Variants in FGF14 observed in about 807,000 individuals in gnomAD.
The protein encoded by FGF14 is fibroblast growth factor homologous factor 4.
FGF14 carries 5 observed loss-of-function variants against 25.5 expected under a neutral mutation model. The ratio of observed to expected loss-of-function variants is 0.20; its 90% confidence interval spans 0.10 to 0.41. FGF14 has a LOEUF of 0.41. Ranked by LOEUF, FGF14 falls within the 10% of genes least tolerant of loss-of-function variation. The pLI is 1.00. For missense variants in FGF14, 222 were observed against 320.1 expected (o/e 0.69, Z 2.34); for synonymous variants, 138 against 118.3 (o/e 1.17, Z -1.08).
intron 1 of FGF14, among the ~76,000 whole-genome samples, chr13:102,256,122 T>C (rs941271633): frequency 2.0e-5 from 3 of 151,974 alleles, no homozygotes; most frequent in African/African-American, 7.3e-5. Flanking sequence ...GTGTTTTGAT[T>C]TGGAAATATA....
Position 102,062,285 on chromosome 13 carries a change from T to TTTC in FGF14, c.209-186990_209-186989insGAA, listed in dbSNP as rs529562906. ...GAAAACTCTACTTACTAGCAAATAA[T>TTTC]AAATACCCAAAATAAAATTCCAAAA... is the stretch of plus-strand genomic sequence containing the variant. On this transcript the variant is annotated intron_variant, in intron 1 of 4. Transcript: ENST00000376131. Among the ~76,000 whole-genome samples, 183 of 151,718 alleles carry TTTC rather than the reference T, an allele frequency of 1.2e-3. 2 individuals are homozygous for TTTC. The highest frequency in any genetic ancestry group is 4.1e-3 in the African/African-American group (171 of 41,410).
rs1233615799 is a variant in FGF14 at position 101,720,604 on chromosome 13, T to TAAGTA, written c.*2222_*2226dup. 6.6e-6 allele frequency: 1 copy of TAAGTA among 151,802 alleles called. No individual in the cohort carries two copies. The highest frequency in any genetic ancestry group is 1.5e-5 in the Non-Finnish European group (1 of 67,958). 9.4% of individuals were successfully genotyped at this position (151,802 alleles called of 1,614,324 possible). ...TGTGTGAAGTGAAGTGTTGCTGCTG[T>TAAGTA]AAGTAGTGTCCATAAGCCCATTTGA... On this transcript the variant is annotated 3_prime_UTR_variant, in exon 5 of 5. Transcript: ENST00000376143.
At chr13:101,919,571 C>T (rs934556061), upstream of FGF14, among the ~76,000 whole-genome samples, 3 of 151,826 alleles carry the variant, frequency 2.0e-5, no homozygotes, top group Admixed American at 1.3e-4. Context: ...TTTTGGCCCT[C>T]TCAGAGCCCT....
upstream of FGF14, among the ~76,000 whole-genome samples, chr13:101,917,772 A>G (rs867810903): frequency 3.9e-5 from 6 of 152,270 alleles, no homozygotes; most frequent in Non-Finnish European, 7.3e-5. Context: ...GAGGGAATGG[A>G]AAGAGAGAAG....
intron 1 of FGF14, among the ~76,000 whole-genome samples, chr13:102,336,850 C>A (rs567221818): frequency 7.9e-5 from 12 of 152,256 alleles, no homozygotes; most frequent in African/African-American, 2.9e-4. Flanking sequence ...AACAATAAAG[C>A]CTGAATGACA....
chr13:102,010,476 G>T (rs1033939473), intron 1 of FGF14, among the ~76,000 whole-genome samples: 2 of 152,002 alleles, frequency 1.3e-5, no homozygotes, highest in African/African-American at 4.8e-5. Flanking sequence ...CCTGTTCTAT[G>T]ATGTAACCAC....
intron 1 of FGF14, among the ~76,000 whole-genome samples, chr13:101,938,978 T>C (rs536565793): frequency 3.3e-4 from 50 of 152,336 alleles, no homozygotes; most frequent in African/African-American, 1.2e-3. Flanking sequence ...GGATGAGCAC[T>C]GATGGCCAGG....
At chr13:102,015,343 C>T (rs1015160901) in intron 1 of FGF14, among the ~76,000 whole-genome samples, 1 of 152,138 alleles carries the variant, frequency 6.6e-6, no homozygotes, top group Non-Finnish European at 1.5e-5. Context: ...TTTTTAAAAT[C>T]TGTTAACTTA....
chr13:102,172,851 C>T (rs943601016), intron 1 of FGF14, among the ~76,000 whole-genome samples: 1 of 152,182 alleles, frequency 6.6e-6, no homozygotes, highest in Non-Finnish European at 1.5e-5. Context: ...CAGGTGCACA[C>T]CTGGTTAACC....
intron 1 of FGF14, among the ~76,000 whole-genome samples, chr13:102,268,112 A>G (rs2053078798): frequency 6.6e-6 from 1 of 152,184 alleles, no homozygotes; most frequent in African/African-American, 2.4e-5. Context: ...AAAAGCTGCC[A>G]TAATAGTGAA....
At chr13:101,823,630 T>C (rs1417250596) in intron 3 of FGF14, among the ~76,000 whole-genome samples, 2 of 150,150 alleles carry the variant, frequency 1.3e-5, no homozygotes, top group South Asian at 2.1e-4. Context: ...AGAGACGGGG[T>C]TTCTCCATGT....
At chr13:101,749,120 A>G (rs1008638682) in intron 3 of FGF14, among the ~76,000 whole-genome samples, 3 of 152,134 alleles carry the variant, frequency 2.0e-5, no homozygotes, top group African/African-American at 7.2e-5. Flanking sequence ...AAATTCATAG[A>G]AACAAATTAG....
intron 1 of FGF14, among the ~76,000 whole-genome samples, chr13:101,944,322 T>C (rs1476395860): frequency 6.6e-6 from 1 of 152,164 alleles, no homozygotes; most frequent in African/African-American, 2.4e-5. Flanking sequence ...TCCCTAAAAG[T>C]GATTATTTCT....
chr13:101,911,588 A>G (rs988447617), intron 1 of FGF14, among the ~76,000 whole-genome samples: 1 of 152,148 alleles, frequency 6.6e-6, no homozygotes, highest in Non-Finnish European at 1.5e-5. Flanking sequence ...TGCATAAACA[A>G]TGAATGCCTT....
In FGF14 at chr13:102,234,025, T is replaced by C. The variant is rs566511646; in HGVS notation, c.208+167446A>G. Among the ~76,000 whole-genome samples the C allele has an allele frequency of 1.5e-3, 231 of 152,160 alleles. 1 individual carries two copies. The highest frequency in any genetic ancestry group is 2.6e-3 in the Non-Finnish European group (178 of 68,004). ...AAATCAGAGACAGAAAGTAGAAAGG[T>C]GGTTGCCAGGGACTGGGGAAAGTGG... On this transcript the variant is annotated intron_variant, in intron 1 of 4. Coordinates refer to the FGF14 transcript ENST00000376131.
chr13:101,879,625 T>C (rs2045588738), intron 1 of FGF14, among the ~76,000 whole-genome samples: 2 of 152,200 alleles, frequency 1.3e-5, no homozygotes, highest in Admixed American at 1.3e-4. Flanking sequence ...CACTATGACA[T>C]ATGTTTTTCT....
At chr13:102,003,886 G>A (rs557789321) in intron 1 of FGF14, among the ~76,000 whole-genome samples, 3 of 152,178 alleles carry the variant, frequency 2.0e-5, no homozygotes, top group South Asian at 4.2e-4. Context: ...TAAGGAAATC[G>A]AAGACACCAC....
intron 1 of FGF14, among the ~76,000 whole-genome samples, chr13:101,937,494 A>T (rs2035180923): frequency 2.0e-5 from 3 of 152,238 alleles, no homozygotes; most frequent in Admixed American, 2.0e-4. Flanking sequence ...GCCGTGGGCA[A>T]GCCCAGGAGA....
At chr13:102,167,682 T>C (rs1158456469) in intron 1 of FGF14, among the ~76,000 whole-genome samples, 2 of 152,118 alleles carry the variant, frequency 1.3e-5, no homozygotes, top group Non-Finnish European at 2.9e-5. Context: ...ACACTGAACC[T>C]GTTGAGTCAA....
Sources: allele counts gnomAD v4.1 joint callset (sites outside exome capture counted in the v4.1 genomes callset), GRCh38; gene constraint gnomAD v4.1.1; transcripts MANE v1.5; gene names NCBI Gene and HGNC (gene_info 2026-07-23, HGNC 2026-07-21).